Variants in ADAM22 observed in about 807,000 individuals in gnomAD.
ADAM22 encodes the protein disintegrin and metalloproteinase domain-containing protein 22.
A neutral mutation model predicts 144.6 loss-of-function variants in ADAM22; 65 were observed. That is an observed-to-expected ratio of 0.45 (90% CI 0.37 to 0.55). ADAM22 has a LOEUF of 0.55. Ranked by LOEUF, ADAM22 falls within the 20% of genes least tolerant of loss-of-function variation. The pLI, the probability that ADAM22 is intolerant of heterozygous loss-of-function variation, is 0.00. For synonymous variants in ADAM22, 391 were observed against 412.6 expected (o/e 0.95, Z 0.63); for missense variants, 974 against 1,184.9 (o/e 0.82, Z 2.61).
At chr7:88,185,050 GC>G (rs1359785567) in intron 29 of ADAM22, among the ~76,000 whole-genome samples, 1 of 152,144 alleles carries the variant, frequency 6.6e-6, no homozygotes, top group Non-Finnish European at 1.5e-5. Context: ...TTTTCCCCAG[GC>G]CGGAGCATTC....
At chr7:88,045,394 TG>T (rs1176197110) in intron 3 of ADAM22, among the ~76,000 whole-genome samples, 4 of 152,156 alleles carry the variant, frequency 2.6e-5, no homozygotes, top group African/African-American at 9.7e-5. Flanking sequence ...TTTTTTTTCT[TG>T]TTGCTTTCCC....
intron 2 of ADAM22, 133 bp from the exon 3 acceptor site, chr7:87,978,203 G>T (rs768862685): frequency 4.9e-5 from 36 of 728,588 alleles, no homozygotes; most frequent in Non-Finnish European, 7.2e-5. Context: ...ACTTTAATAT[G>T]TTTTCACTTA....
At position 88,148,855 on chromosome 7, in the gene ADAM22, A is replaced by G. The variant is rs181950111; in HGVS notation, c.1486-122A>G. ...TCAGTAACTGTGGTTTTGACAGATT[A>G]CCATCTTACAGTAGTTTAAGGTATT... is the stretch of plus-strand genomic sequence containing the variant. On this transcript the variant is annotated intron_variant, in intron 17 of 31. Transcript: ENST00000413139. The G allele has an allele frequency of 1.0e-3, 691 of 678,608 alleles. 4 individuals are homozygous for G. In the African/African-American group the frequency reaches 0.012, roughly 11 times the overall value. The allele number at this position is 678,608 out of a possible 1,614,324, so 42.0% of individuals were successfully genotyped here.
chr7:88,006,429 C>A (rs1344227801), intron 3 of ADAM22, among the ~76,000 whole-genome samples: 2 of 152,022 alleles, frequency 1.3e-5, no homozygotes, highest in African/African-American at 4.8e-5. Context: ...GATACCAAAG[C>A]TGGGCAGAGA....
chr7:88,164,685 A>G (rs776552580), intron 23 of ADAM22, among the ~76,000 whole-genome samples: 8 of 152,064 alleles, frequency 5.3e-5, no homozygotes, highest in African/African-American at 1.9e-4. Flanking sequence ...ACTTTAAAGA[A>G]TTGTGCGAAG....
At chr7:87,974,917 T>C (rs964990661) in intron 2 of ADAM22, among the ~76,000 whole-genome samples, 1 of 152,174 alleles carries the variant, frequency 6.6e-6, no homozygotes, top group Non-Finnish European at 1.5e-5. Context: ...TCCACCATCA[T>C]ACCTTCTTCT....
chr7:87,987,081 C>G (rs1324408742), intron 3 of ADAM22, among the ~76,000 whole-genome samples: 1 of 152,100 alleles, frequency 6.6e-6, no homozygotes, highest in Non-Finnish European at 1.5e-5. Context: ...GCATAAATCC[C>G]TAGAAGTTCT....
chr7:88,167,626 A>G (rs1166453507), intron 24 of ADAM22, among the ~76,000 whole-genome samples: 3 of 152,158 alleles, frequency 2.0e-5, no homozygotes, highest in Admixed American at 6.5e-5. Context: ...TCTATCACCT[A>G]CATCACCTGG....
intron 3 of ADAM22, among the ~76,000 whole-genome samples, chr7:88,025,927 A>T (rs1349920220): frequency 2.6e-5 from 4 of 152,134 alleles, no homozygotes; most frequent in African/African-American, 9.7e-5. Flanking sequence ...TTTAGTAAGG[A>T]TTGCATTGAA....
intron 4 of ADAM22, among the ~76,000 whole-genome samples, chr7:88,094,171 G>T (rs1394529048): frequency 6.6e-6 from 1 of 152,124 alleles, no homozygotes; most frequent in African/African-American, 2.4e-5. Context: ...CATGATGCAG[G>T]CAACTACTGA....
chr7:88,087,655 T>C (rs963737121), intron 4 of ADAM22, among the ~76,000 whole-genome samples: 1 of 152,198 alleles, frequency 6.6e-6, no homozygotes, highest in African/African-American at 2.4e-5. Context: ...AGGCATATTC[T>C]GACTATTAGC....
chr7:88,146,103 T>C (rs1005107208), intron 17 of ADAM22, among the ~76,000 whole-genome samples: 2 of 152,196 alleles, frequency 1.3e-5, no homozygotes, highest in African/African-American at 2.4e-5. Context: ...TTTACATCAA[T>C]ACTAACATTT....
intron 2 of ADAM22, among the ~76,000 whole-genome samples, chr7:87,937,203 T>G (rs1384080405): frequency 6.6e-6 from 1 of 152,164 alleles, no homozygotes; most frequent in Non-Finnish European, 1.5e-5. Flanking sequence ...AATCATCTGC[T>G]GGCCTCGGCC....
intron 3 of ADAM22, among the ~76,000 whole-genome samples, chr7:87,978,889 G>T (rs907169394): frequency 2.0e-5 from 3 of 152,064 alleles, no homozygotes; most frequent in Non-Finnish European, 2.9e-5. Context: ...TCTGGTACTG[G>T]GATTATCCTG....
Position 88,123,010 on chromosome 7 carries a change from T to C in ADAM22, c.608-2579T>C, listed in dbSNP as rs536459441. Among the ~76,000 whole-genome samples, 16 of 152,328 alleles carry C rather than the reference T, an allele frequency of 1.1e-4. No individual in the cohort carries two copies. In the South Asian group the frequency reaches 3.3e-3, roughly 32 times the overall value. On this transcript the variant is annotated intron_variant, in intron 7 of 31. Transcript: ENST00000413139. The stretch of plus-strand genomic sequence containing the variant: ...TGTTGAATTTTGTCAAATGCTTTTC[T>C]ATGTCTATTACGGGATCATATAATT...
intron 4 of ADAM22, among the ~76,000 whole-genome samples, chr7:88,084,009 C>A (rs1457179245): frequency 6.6e-6 from 1 of 151,932 alleles, no homozygotes; most frequent in South Asian, 2.1e-4. Context: ...TAATGTTTTT[C>A]TGATGTAGAG....
At chr7:88,053,611 A>G (rs995441739) in intron 3 of ADAM22, among the ~76,000 whole-genome samples, 3 of 110,320 alleles carry the variant, frequency 2.7e-5, no homozygotes, top group African/African-American at 8.6e-5. Flanking sequence ...AAAGAAAGAA[A>G]GAAAGAAAGA....
chr7:87,970,137 A>G (rs1365734449), intron 2 of ADAM22, among the ~76,000 whole-genome samples: 1 of 152,190 alleles, frequency 6.6e-6, no homozygotes, highest in African/African-American at 2.4e-5. Context: ...AAATAGAGAT[A>G]TAGTATCAAT....
At chr7:87,977,346 C>T (rs540183135) in intron 2 of ADAM22, among the ~76,000 whole-genome samples, 3 of 152,266 alleles carry the variant, frequency 2.0e-5, no homozygotes, top group South Asian at 2.1e-4. Context: ...CTAAGATGTC[C>T]GTTCTGGGAT....
Sources: allele counts gnomAD v4.1 joint callset (sites outside exome capture counted in the v4.1 genomes callset), GRCh38; gene constraint gnomAD v4.1.1; transcripts MANE v1.5; gene names NCBI Gene and HGNC (gene_info 2026-07-23, HGNC 2026-07-21).